Variants in FANCM observed in about 807,000 individuals in gnomAD.
The protein encoded by FANCM is Fanconi anemia group M protein.
A neutral mutation model predicts 199.5 loss-of-function variants in FANCM; 140 were observed. The observed-to-expected ratio is 0.70, with a 90% CI of 0.61 to 0.81. The LOEUF is 0.81. FANCM is among the 30% of genes least tolerant of loss of function. The pLI is 0.00. For synonymous variants in FANCM, 840 were observed against 836.8 expected, an observed-to-expected ratio of 1.00 and a Z score of -0.07; for missense variants, 2,410 against 2,421.4, an observed-to-expected ratio of 1.00 and a Z score of 0.10.
At chr14:45,143,003 T>G (rs938459654) in intron 3 of FANCM, among the ~76,000 whole-genome samples, 1 of 152,052 alleles carries the variant, frequency 6.6e-6, no homozygotes, top group Non-Finnish European at 1.5e-5. Flanking sequence ...GGTATTTGCC[T>G]AATCATTCTT....
chr14:45,197,873 C>T (rs1890154745), intron 21 of FANCM, among the ~76,000 whole-genome samples: 1 of 151,920 alleles, frequency 6.6e-6, no homozygotes, highest in African/African-American at 2.4e-5. Flanking sequence ...AAGTGATTCT[C>T]CTGCCTCAGT....
At chr14:45,137,302 G>A (rs542632043) in intron 2 of FANCM, 61 bp downstream of exon 2, 2 of 1,382,752 alleles carry the variant, frequency 1.4e-6, no homozygotes, top group Non-Finnish European at 2.0e-6. Flanking sequence ...GAATTTTGGC[G>A]AATAGTTACT....
At chr14:45,143,356 A>G (rs973020310) in intron 3 of FANCM, among the ~76,000 whole-genome samples, 5 of 152,050 alleles carry the variant, frequency 3.3e-5, no homozygotes, top group African/African-American at 1.2e-4. Context: ...TTGTAGAGAC[A>G]GGGTCTCCCA....
intron 2 of FANCM, among the ~76,000 whole-genome samples, chr14:45,139,440 G>C (rs1334894725): frequency 3.3e-5 from 5 of 152,094 alleles, no homozygotes; most frequent in Admixed American, 1.3e-4. Flanking sequence ...ATGGTATACT[G>C]AGAGCTGTTC....
intron 3 of FANCM, among the ~76,000 whole-genome samples, chr14:45,145,688 G>T (rs1013496312): frequency 6.6e-6 from 1 of 152,182 alleles, no homozygotes; most frequent in Non-Finnish European, 1.5e-5. Context: ...ACTTTGGGAG[G>T]CCAAGGCAGG....
chr14:45,189,213 A>G lies in FANCM; in HGVS notation c.5191A>G (p.Ser1731Gly). 3 of 1,614,190 alleles carry G rather than the reference A, an allele frequency of 1.9e-6. No individual in the cohort carries two copies. The highest frequency in any genetic ancestry group is 2.5e-6 in the Non-Finnish European group (3 of 1,180,020). Residue 1731 changes from serine to glycine, a missense_variant, in exon 20 of 23, where the codon AGC (serine) becomes GGC (glycine). By Grantham distance (56) the Ser-to-Gly change is moderately conservative. Coordinates refer to ENST00000267430, the MANE Select transcript of FANCM (RefSeq NM_020937.4). Reference protein sequence around the residue: ...TPRVNPLAKQSKQTSLNLKDT... With the variant: ...TPRVNPLAKQGKQTSLNLKDT... The stretch of plus-strand genomic sequence containing the variant: ...AAGAGTTAATCCATTAGCAAAGCAG[A>G]GCAAACAGACATCGCTGAATTTAAA...
At chr14:45,159,646 G>C (rs1887446779) in intron 9 of FANCM, among the ~76,000 whole-genome samples, 1 of 152,072 alleles carries the variant, frequency 6.6e-6, no homozygotes, top group Non-Finnish European at 1.5e-5. Flanking sequence ...TCTTATTGTA[G>C]AGCCACCAAT....
intron 3 of FANCM, among the ~76,000 whole-genome samples, chr14:45,148,421 G>A (rs1886582528): frequency 6.6e-6 from 1 of 151,788 alleles, no homozygotes; most frequent in African/African-American, 2.4e-5. Flanking sequence ...ATTTAGTCCT[G>A]GAAATATATT....
intron 12 of FANCM, among the ~76,000 whole-genome samples, chr14:45,172,511 CT>C: frequency 6.6e-6 from 1 of 152,220 alleles, no homozygotes; most frequent in East Asian, 1.9e-4. Flanking sequence ...ATATGGTGTC[CT>C]TTCCCCACTT....
At position 45,145,867 on chromosome 14, in the gene FANCM, G is replaced by A. The variant is rs1030137596; in HGVS notation, c.760-2970G>A. ...GAGGTCAGGAGATCGAGACCATCCC[G>A]GCTAAAACGGTGAAACCCCGTCTCT... is the stretch of plus-strand genomic sequence containing the variant. On this transcript the variant is annotated intron_variant, in intron 3 of 22. Coordinates refer to ENST00000267430, the MANE Select transcript of FANCM (RefSeq NM_020937.4). Among the ~76,000 whole-genome samples, 7 of 151,784 alleles carry A rather than the reference G, an allele frequency of 4.6e-5. No individual in the cohort carries two copies. The East Asian group carries it at 7.7e-4, about 17-fold the overall frequency.
chr14:45,155,222 G>A (rs988394297), intron 7 of FANCM, 151 bp from the exon 8 acceptor site: 58 of 488,726 alleles, frequency 1.2e-4, no homozygotes, highest in South Asian at 4.6e-4. Context: ...TAAGACTTAC[G>A]TGCTACCTAG....
At chr14:45,160,279 C>G (rs927616683) in intron 9 of FANCM, among the ~76,000 whole-genome samples, 35 of 151,240 alleles carry the variant, frequency 2.3e-4, no homozygotes, top group Non-Finnish European at 7.4e-5. Context: ...CAGGCATGAG[C>G]CACCTCGCCT....
chr14:45,170,508 A>G, intron 11 of FANCM, 81 bp from the exon 12 acceptor site: 1 of 992,776 alleles, frequency 1.0e-6, no homozygotes, highest in Admixed American at 2.1e-5. Context: ...CCTGGGTGAC[A>G]GAGTTTGAAT....
At chr14:45,169,717 C>T (rs201767948) in intron 11 of FANCM, among the ~76,000 whole-genome samples, 5 of 152,076 alleles carry the variant, frequency 3.3e-5, no homozygotes, top group East Asian at 3.9e-4. Context: ...AATTCAGTAG[C>T]GTCTCAATTT....
Position 45,189,333 on chromosome 14 carries a change from G to T in FANCM, c.5311G>T (p.Asp1771Tyr). The T allele has an allele frequency of 1.9e-6, 3 of 1,613,554 alleles. No homozygotes were observed. The highest frequency in any genetic ancestry group is 1.1e-5 in the South Asian group (1 of 91,060). Residue 1771 changes from aspartate to tyrosine, a missense_variant, in exon 20 of 23, where the codon GAC becomes TAC. Asp to Tyr is a radical substitution (Grantham distance 160). Coordinates refer to ENST00000267430, the MANE Select transcript of FANCM (RefSeq NM_020937.4). ...PPFTTVDSQK[D>Y]CRKFPVPQKD... ...CTTCACTACTGTTGATTCACAGAAA[G>T]ACTGTAGAAAATTTCCAGTTCCACA... is the stretch of plus-strand genomic sequence containing the variant.
intron 21 of FANCM, among the ~76,000 whole-genome samples, chr14:45,196,754 C>T (rs1409695303): frequency 6.6e-6 from 1 of 152,144 alleles, no homozygotes; most frequent in Non-Finnish European, 1.5e-5. Context: ...GGGTTGGAAA[C>T]TGAAGGCAAG....
In FANCM at chr14:45,136,284, T is replaced by TA; in HGVS notation, c.254dup (p.Tyr85Ter). 1 of 1,614,194 alleles carries TA rather than the reference T, an allele frequency of 6.2e-7. No individual in the cohort carries two copies. Residue 85 changes from tyrosine to a stop codon, truncating the protein, a stop_gained and frameshift_variant, in exon 1 of 23, where the codon TAC (tyrosine) becomes TAAC (stop). Transcript: ENST00000267430. LOFTEE classifies it high-confidence loss of function. ...FCTSAGALWI[Y>*]PTNCPVRDYQ... ...CACCTCCGCGGGCGCCCTGTGGATT[T>TA]ACCCTACCAATTGCCCAGTGCGGGA... is the stretch of plus-strand genomic sequence containing the variant.
rs2139252496 is a variant in FANCM at position 45,176,698 on chromosome 14, C to CA, written c.3950dup (p.Asn1317LysfsTer2). The CA allele has an allele frequency of 1.2e-6, 2 of 1,613,358 alleles. No individual in the cohort carries two copies. The highest frequency in any genetic ancestry group is 2.7e-5 in the African/African-American group (2 of 74,954). ...TATGTACATTTGCCACTGAGTGCAG[C>CA]AAAAAATGAAGAATTGTTATCTCCT... On this transcript the variant is annotated frameshift_variant, in exon 14 of 23. Coordinates refer to ENST00000267430, the MANE Select transcript of FANCM (RefSeq NM_020937.4). LOFTEE classifies it high-confidence loss of function.
intron 17 of FANCM, 92 bp from the exon 18 acceptor site, chr14:45,185,125 A>G (rs1297066920): frequency 1.1e-6 from 1 of 898,820 alleles, no homozygotes; most frequent in South Asian, 1.5e-5. Flanking sequence ...AAAAGCATTG[A>G]TAAGAAATCA....
Sources: allele counts gnomAD v4.1 joint callset (sites outside exome capture counted in the v4.1 genomes callset), GRCh38; gene constraint gnomAD v4.1.1; transcripts MANE v1.5; gene names NCBI Gene and HGNC (gene_info 2026-07-23, HGNC 2026-07-21).